GAP43: variants seen among roughly 807,000 people sequenced by gnomAD.
The protein encoded by GAP43 is growth associated protein 43, also known as neuromodulin.
GAP43 carries 6 observed loss-of-function variants against 18.6 expected under a neutral mutation model. That is an observed-to-expected ratio of 0.32 (90% confidence interval 0.18 to 0.64). GAP43 has a LOEUF of 0.64. Among genes scored for constraint, GAP43 ranks in the 30% least tolerant of loss-of-function variants. The pLI is 0.78. For missense variants in GAP43, 292 were observed against 295.5 expected (o/e 0.99, Z 0.09); for synonymous variants, 115 against 111.4 (o/e 1.03, Z -0.20).
chr3:115,701,369 T>TA (rs907216359), intron 2 of GAP43, among the ~76,000 whole-genome samples: 7 of 152,042 alleles, frequency 4.6e-5, no homozygotes, highest in African/African-American at 1.4e-4. Flanking sequence ...GTGGAATCAG[T>TA]ATCATTGTTA....
chr3:115,675,004 C>T (rs769802239), intron 1 of GAP43, among the ~76,000 whole-genome samples: 1 of 152,116 alleles, frequency 6.6e-6, no homozygotes. Context: ...ACCCTGTAAA[C>T]CCTCTATCTT....
chr3:115,698,091 T>TATATAATATATATTATATATAA (rs1559804175), intron 2 of GAP43, among the ~76,000 whole-genome samples: 1 of 56,846 alleles, frequency 1.8e-5, no homozygotes, highest in African/African-American at 8.2e-5. Context: ...AAAATATGTA[T>TATATAATATATATTATATATAA]TATATATAAT....
chr3:115,720,875 A>G lies in GAP43; in HGVS notation c.710A>G (p.His237Arg), dbSNP rs1258300950. The change falls in exon 3 of 3, where the codon CAT (histidine) becomes CGT (arginine). Residue 237 changes from histidine (H) to arginine (R), a missense_variant. Physicochemically the swap from His to Arg is conservative, Grantham distance 29. Transcript: ENST00000305124. ...KEEEPEADQE[H>R]A ...GAGGAACCTGAGGCTGACCAAGAAC[A>G]TGCCTGAACTCTAAGAAATGGCTTT... The G allele has an allele frequency of 2.5e-6, 4 of 1,610,984 alleles. No individual in the cohort carries two copies. The highest frequency in any genetic ancestry group is 1.3e-5 in the African/African-American group (1 of 74,874).
intron 1 of GAP43, among the ~76,000 whole-genome samples, chr3:115,651,856 C>T (rs896501614): frequency 2.0e-5 from 3 of 152,022 alleles, no homozygotes; most frequent in African/African-American, 7.2e-5. Context: ...TCTTAGGATC[C>T]TCTCTATTCT....
intron 2 of GAP43, among the ~76,000 whole-genome samples, chr3:115,679,215 A>G (rs1708928955): frequency 1.3e-5 from 2 of 152,170 alleles, no homozygotes; most frequent in Admixed American, 1.3e-4. Context: ...AAATAGGTAC[A>G]AAGAGAAAAT....
At chr3:115,718,997 A>G (rs1022644915) in intron 2 of GAP43, among the ~76,000 whole-genome samples, 5 of 152,134 alleles carry the variant, frequency 3.3e-5, no homozygotes, top group Non-Finnish European at 5.9e-5. Context: ...CATTTCTCTA[A>G]TCTCAACATC....
Position 115,669,311 on chromosome 3 carries a change from A to G in GAP43, c.31-6702A>G, listed in dbSNP as rs1708779689. ...TTGTAGTTAGATGCTCTTGAATTCC[A>G]CCACTGAGAAGTGAAGGATTTTAAC... On this transcript the variant is annotated intron_variant, in intron 1 of 2. Coordinates refer to ENST00000305124, the MANE Select transcript of GAP43 (RefSeq NM_002045.4). 2.0e-5 allele frequency among the ~76,000 whole-genome samples: 3 copies of G among 152,168 alleles called. No individual in the cohort carries two copies. In the South Asian group the frequency reaches 6.2e-4, roughly 32 times the overall value.
intron 1 of GAP43, among the ~76,000 whole-genome samples, chr3:115,667,247 A>T (rs1708745736): frequency 1.3e-5 from 2 of 152,252 alleles, no homozygotes; most frequent in South Asian, 4.1e-4. Flanking sequence ...AAGTTCAGTT[A>T]GTAATAAAAT....
intron 1 of GAP43, among the ~76,000 whole-genome samples, chr3:115,669,424 A>G (rs1310235024): frequency 1.3e-5 from 2 of 152,218 alleles, no homozygotes; most frequent in Non-Finnish European, 1.5e-5. Context: ...TTTTGGATTC[A>G]TCCAATAAAT....
intron 2 of GAP43, among the ~76,000 whole-genome samples, chr3:115,690,604 T>C (rs1198527316): frequency 6.6e-6 from 1 of 152,126 alleles, no homozygotes; most frequent in Non-Finnish European, 1.5e-5. Flanking sequence ...AGGTAACATA[T>C]TTAAAGAACC....
At chr3:115,681,481 T>A (rs994833293) in intron 2 of GAP43, among the ~76,000 whole-genome samples, 4 of 152,146 alleles carry the variant, frequency 2.6e-5, no homozygotes, top group African/African-American at 9.7e-5. Flanking sequence ...ACTAGGATAT[T>A]CTCTGTCCTA....
chr3:115,684,181 C>A (rs1197600128), intron 2 of GAP43, among the ~76,000 whole-genome samples: 1 of 152,154 alleles, frequency 6.6e-6, no homozygotes, highest in Admixed American at 6.5e-5. Context: ...CCTGGTGGCA[C>A]ATATACAGTG....
chr3:115,641,025 GTT>G lies in GAP43; in HGVS notation c.30+17316_30+17317del, dbSNP rs755356206. ...CTTTCTCTCTTTCTTGCTTTATTCTGTTTTTTTTTTTCTTTTTTTTTTTTCAA... is the reference window on the plus strand; with the variant it reads ...CTTTCTCTCTTTCTTGCTTTATTCTGTTTTTTTTTCTTTTTTTTTTTTCAA... On this transcript the variant is annotated intron_variant, in intron 1 of 2. Coordinates refer to ENST00000305124, the MANE Select transcript of GAP43 (RefSeq NM_002045.4). Among the ~76,000 whole-genome samples, 201 of 48,998 alleles carry G rather than the reference GTT, an allele frequency of 4.1e-3. 1 individual carries two copies. Among genetic ancestry groups the G allele is most frequent in the African/African-American group, 8.0e-3 (128 of 16,018 alleles). 32.1% of individuals were successfully genotyped at this position (48,998 alleles called of 152,430 possible).
At chr3:115,694,785 C>T (rs973750502) in intron 2 of GAP43, among the ~76,000 whole-genome samples, 4 of 152,130 alleles carry the variant, frequency 2.6e-5, no homozygotes, top group Admixed American at 6.5e-5. Context: ...TTTGTGCTAT[C>T]CAGTGTTAAT....
intron 1 of GAP43, among the ~76,000 whole-genome samples, chr3:115,638,771 T>C (rs766770098): frequency 2.0e-5 from 3 of 151,994 alleles, no homozygotes; most frequent in Non-Finnish European, 4.4e-5. Flanking sequence ...CCTGTTTATT[T>C]CCGTGATAAT....
intron 1 of GAP43, among the ~76,000 whole-genome samples, chr3:115,673,473 C>G (rs1464347113): frequency 6.6e-6 from 1 of 152,200 alleles, no homozygotes; most frequent in Admixed American, 6.5e-5. Context: ...ATTGACTTGT[C>G]TACTTTCACA....
intron 1 of GAP43, among the ~76,000 whole-genome samples, chr3:115,625,881 C>A (rs937485432): frequency 1.3e-5 from 2 of 152,164 alleles, no homozygotes; most frequent in Non-Finnish European, 2.9e-5. Flanking sequence ...ACATGCCTCT[C>A]TGTGTTTTAG....
At chr3:115,716,441 C>G (rs1016589126) in intron 2 of GAP43, among the ~76,000 whole-genome samples, 1 of 151,924 alleles carries the variant, frequency 6.6e-6, no homozygotes, top group East Asian at 1.9e-4. Flanking sequence ...GCTATTGTTC[C>G]CTTATTTGGA....
At position 115,676,690 on chromosome 3, in the gene GAP43, T is replaced by C. The variant is rs538011712; in HGVS notation, c.628+80T>C. The C allele has an allele frequency of 1.3e-4, 179 of 1,364,628 alleles. No homozygotes were observed. In the African/African-American group the frequency reaches 2.2e-3, roughly 17 times the overall value. 84.5% of individuals were successfully genotyped at this position (1,364,628 alleles called of 1,614,324 possible). On this transcript the variant is annotated intron_variant, in intron 2 of 2. Coordinates refer to ENST00000305124, the MANE Select transcript of GAP43 (RefSeq NM_002045.4). ...TCGGAAGACCAGGCCACCTGGGTCA[T>C]TGAGGGAGAGGAAAAAGTCTAGAAG... is the stretch of plus-strand genomic sequence containing the variant.
Sources: gnomAD v4.1 joint callset for allele counts (sites outside exome capture counted in the v4.1 genomes callset) on GRCh38, gnomAD v4.1.1 for gene constraint, MANE v1.5 for transcripts, NCBI Gene and HGNC (gene_info 2026-07-23, HGNC 2026-07-21) for gene names.